The following PANX1 variants were observed in gnomAD, a reference collection of about 807,000 sequenced individuals.
PANX1 encodes the protein pannexin 1.
A neutral mutation model predicts 38.7 loss-of-function variants in PANX1; 30 were observed. That is an observed-to-expected ratio of 0.78 (90% CI 0.58 to 1.05). PANX1 has a LOEUF of 1.05. Ranked by LOEUF, PANX1 falls within the 50% of genes least tolerant of loss-of-function variation. The probability of loss-of-function intolerance (pLI) is 0.00; values close to 1 mark genes in which losing one functional copy is unlikely to be tolerated. For missense variants in PANX1, 551 were observed against 517.2 expected (o/e 1.07, Z -0.63); for synonymous variants, 230 against 212.2 (o/e 1.08, Z -0.73).
In PANX1 at chr11:94,159,616, CTCTTT is replaced by C. The variant is rs1292597370; in HGVS notation, c.321+5992_321+5996del. Among the ~76,000 whole-genome samples, 2 of 152,148 alleles carry C rather than the reference CTCTTT, an allele frequency of 1.3e-5. 1 individual carries two copies. Among genetic ancestry groups the C allele is most frequent in the Middle Eastern group, 6.8e-3 (2 of 294 alleles). On this transcript the variant is annotated intron_variant, in intron 2 of 4. Coordinates refer to ENST00000227638, the MANE Select transcript of PANX1 (RefSeq NM_015368.4). ...TTTATTGCGTCTATTTGATTCTTCT[CTCTTT>C]TCTTTATTAGTCTTGCTAGCGGTCT... is the stretch of plus-strand genomic sequence containing the variant.
intron 3 of PANX1, 129 bp downstream of exon 3, chr11:94,178,721 GCAC>G (rs1481660766): frequency 2.9e-6 from 2 of 679,338 alleles, no homozygotes; most frequent in African/African-American, 3.6e-5. Flanking sequence ...GGGACGTCAT[GCAC>G]CTAGTGACAG....
At chr11:94,157,307 G>T (rs927364484) in intron 2 of PANX1, among the ~76,000 whole-genome samples, 1 of 152,098 alleles carries the variant, frequency 6.6e-6, no homozygotes, top group African/African-American at 2.4e-5. Flanking sequence ...CTGAGGAATC[G>T]CCACACTGAC....
intron 1 of PANX1, among the ~76,000 whole-genome samples, chr11:94,132,942 A>G (rs765272845): frequency 6.6e-6 from 1 of 152,160 alleles, no homozygotes; most frequent in Admixed American, 6.5e-5. Context: ...GGAGTGTTGT[A>G]GGTTAGAGAG....
rs1224300998 is a variant in PANX1 at position 94,180,776 on chromosome 11, T to A, written c.1202-14T>A. 1.4e-6 allele frequency: 2 copies of A among 1,387,432 alleles called. No homozygotes were observed. The highest frequency in any genetic ancestry group is 2.0e-6 in the Non-Finnish European group (2 of 975,780). 85.9% of individuals were successfully genotyped at this position (1,387,432 alleles called of 1,614,324 possible). A position where few individuals can be genotyped will look rare whatever the true frequency, so the allele number is the denominator to read the frequency against. ...TATGTTTCTGTCATAAATATTTGTT[T>A]TCAATTTTGACAGGTATGAACATAG... On this transcript the variant is annotated splice_polypyrimidine_tract_variant and intron_variant, in intron 4 of 4. Coordinates refer to ENST00000227638, the MANE Select transcript of PANX1 (RefSeq NM_015368.4).
rs546608856 is a variant in PANX1 at position 94,169,563 on chromosome 11, A to G, written c.322-8806A>G. ...ATTAGTTAAGATGGGGTCTTACTGCAGTAGGGTGGGCCTTTAACTCAGTAT... is the reference window on the plus strand; with the variant it reads ...ATTAGTTAAGATGGGGTCTTACTGCGGTAGGGTGGGCCTTTAACTCAGTAT... On this transcript the variant is annotated intron_variant, in intron 2 of 4. Transcript: ENST00000227638. Among the ~76,000 whole-genome samples the G allele has an allele frequency of 6.6e-4, 100 of 151,822 alleles. 1 individual carries two copies. The highest frequency in any genetic ancestry group is 1.3e-3 in the Non-Finnish European group (87 of 68,034).
chr11:94,177,004 T>C (rs960318547), intron 2 of PANX1, among the ~76,000 whole-genome samples: 4 of 151,806 alleles, frequency 2.6e-5, no homozygotes, highest in Non-Finnish European at 5.9e-5. Flanking sequence ...GCCTGTTCTA[T>C]GCCAGGCCCT....
chr11:94,150,479 A>G (rs545594386), intron 1 of PANX1, among the ~76,000 whole-genome samples: 95 of 152,360 alleles, frequency 6.2e-4, no homozygotes, highest in African/African-American at 2.2e-3. Flanking sequence ...TAAATGAGAT[A>G]GAGGATGTGG....
At chr11:94,161,067 G>A (rs1314209635) in intron 2 of PANX1, among the ~76,000 whole-genome samples, 1 of 152,178 alleles carries the variant, frequency 6.6e-6, no homozygotes, top group Non-Finnish European at 1.5e-5. Context: ...CTCTCTTCTG[G>A]CTTGTAGAGT....
At chr11:94,154,418 G>A (rs1312801606) in intron 2 of PANX1, among the ~76,000 whole-genome samples, 1 of 152,190 alleles carries the variant, frequency 6.6e-6, no homozygotes, top group Middle Eastern at 3.2e-3. Context: ...CTGAAAGTAG[G>A]ACTTTGTTTC....
chr11:94,167,238 G>C (rs142790744), intron 2 of PANX1, among the ~76,000 whole-genome samples: 1 of 152,310 alleles, frequency 6.6e-6, no homozygotes, highest in East Asian at 1.9e-4. Context: ...GTTTAGGGGA[G>C]GGGTGGTGTA....
rs188972923 is a variant in PANX1, at chr11:94,167,598, C to T, written c.322-10771C>T. 9.2e-5 allele frequency among the ~76,000 whole-genome samples: 14 copies of T among 152,248 alleles called. No homozygotes were observed. In the East Asian group the frequency reaches 2.5e-3, roughly 27 times the overall value. On this transcript the variant is annotated intron_variant, in intron 2 of 4. Transcript: ENST00000227638. The stretch of plus-strand genomic sequence containing the variant: ...AGATCCAGATAGTGGATTGATCAAC[C>T]ATGCATTTTAACTAATCATTAATCA...
intron 2 of PANX1, among the ~76,000 whole-genome samples, chr11:94,161,836 C>A (rs1046325695): frequency 4.6e-5 from 7 of 152,078 alleles, no homozygotes; most frequent in African/African-American, 1.7e-4. Flanking sequence ...TGTTTTTTCC[C>A]CATCTTTGTG....
intron 1 of PANX1, among the ~76,000 whole-genome samples, chr11:94,148,171 A>G (rs7127074): frequency 0.53 from 80,819 of 151,994 alleles, 22,347 homozygotes; most frequent in African/African-American, 0.68. Flanking sequence ...TTCCCACAGA[A>G]GAAAAGTGAA....
intron 2 of PANX1, among the ~76,000 whole-genome samples, chr11:94,176,587 T>C (rs1565385870): frequency 1.3e-5 from 2 of 151,616 alleles, no homozygotes; most frequent in Non-Finnish European, 1.5e-5. Context: ...GCTCTGTACA[T>C]CTGAAATTAC....
intron 1 of PANX1, among the ~76,000 whole-genome samples, chr11:94,136,832 T>C (rs1250997915): frequency 6.6e-6 from 1 of 152,104 alleles, no homozygotes; most frequent in Admixed American, 6.5e-5. Context: ...TATGAAGAAA[T>C]ACCAGAGACT....
chr11:94,169,976 T>G (rs1224135985), intron 2 of PANX1, among the ~76,000 whole-genome samples: 1 of 151,808 alleles, frequency 6.6e-6, no homozygotes, highest in Non-Finnish European at 1.5e-5. Context: ...TGCATGGCTT[T>G]CTTAGGCCAG....
At chr11:94,156,843 A>T (rs1946954227) in intron 2 of PANX1, among the ~76,000 whole-genome samples, 1 of 151,788 alleles carries the variant, frequency 6.6e-6, no homozygotes, top group African/African-American at 2.4e-5. Context: ...GTCATTTAAC[A>T]TTAGGTATAC....
chr11:94,143,407 C>T (rs1011668124), intron 1 of PANX1, among the ~76,000 whole-genome samples: 1 of 152,102 alleles, frequency 6.6e-6, no homozygotes, highest in Non-Finnish European at 1.5e-5. Context: ...ATAGAGGATG[C>T]GACAAGGGAG....
intron 3 of PANX1, among the ~76,000 whole-genome samples, chr11:94,179,242 G>T (rs1289337086): frequency 6.6e-6 from 1 of 152,118 alleles, no homozygotes; most frequent in Non-Finnish European, 1.5e-5. Context: ...ACTGAACCAT[G>T]CCCTTTAGAC....
Sources: allele counts gnomAD v4.1 joint callset (sites outside exome capture counted in the v4.1 genomes callset), GRCh38; gene constraint gnomAD v4.1.1; transcripts MANE v1.5; gene names NCBI Gene and HGNC (gene_info 2026-07-23, HGNC 2026-07-21).